MYOM2: variants seen among roughly 807,000 people sequenced by gnomAD.
MYOM2 encodes the protein myomesin-2.
MYOM2 carries 254 observed loss-of-function variants against 187.6 expected under a neutral mutation model. That is an observed-to-expected ratio of 1.35 (90% CI 1.22 to 1.50). The LOEUF (loss-of-function observed/expected upper bound fraction) is 1.50, where lower values mean the gene tolerates loss of function less well. Among genes scored for constraint, MYOM2 ranks in the 40% most tolerant of loss-of-function variants. The pLI is 0.00. For synonymous variants in MYOM2, 981 were observed against 753.8 expected (o/e 1.30, Z -4.94); for missense variants, 2,796 against 1,924.0 (o/e 1.45, Z -8.48).
intron 25 of MYOM2, among the ~76,000 whole-genome samples, chr8:2,113,475 G>C (rs1296115484): frequency 6.6e-6 from 1 of 152,200 alleles, no homozygotes. Flanking sequence ...CTGGGGTGGG[G>C]CTTCTGTGCC....
rs34735757 is a variant in MYOM2 at position 2,140,774 on chromosome 8, G to A, written c.3852G>A (p.Glu1284=). 18 of 1,614,034 alleles carry A rather than the reference G, an allele frequency of 1.1e-5. No individual in the cohort carries two copies. Among genetic ancestry groups the A allele is most frequent in the Non-Finnish European group, 1.4e-5 (16 of 1,180,012 alleles). ...ATATGAGAATCGGGGGGAGTGAAGA[G>A]ATGGCTTGGCTGCAGATATGTGAGC... ...SEHMRIGGSE[E]MAWLQICEPT... The change falls in exon 33 of 37, where the codon GAG becomes GAA. Residue 1284 remains glutamate (E), a synonymous_variant. Coordinates refer to ENST00000262113, the MANE Select transcript of MYOM2 (RefSeq NM_003970.4).
chr8:2,132,887 C>A (rs1374737166), intron 32 of MYOM2, among the ~76,000 whole-genome samples: 2 of 152,230 alleles, frequency 1.3e-5, no homozygotes, highest in African/African-American at 2.4e-5. Context: ...CCTGACACCC[C>A]AGACACCTTC....
At chr8:2,138,519 G>A (rs1798160803) in intron 32 of MYOM2, among the ~76,000 whole-genome samples, 1 of 152,164 alleles carries the variant, frequency 6.6e-6, no homozygotes, top group Non-Finnish European at 1.5e-5. Context: ...ATGGGAAAAG[G>A]GAGCTAATTA....
chr8:2,111,346 C>T lies in MYOM2; in HGVS notation c.3180+1815C>T, dbSNP rs180829365. Among the ~76,000 whole-genome samples, 507 of 152,314 alleles carry T rather than the reference C, an allele frequency of 3.3e-3. 1 individual carries two copies. The highest frequency in any genetic ancestry group is 0.012 in the African/African-American group (496 of 41,574). ...TCATCTTGCTGCATAATGGCATTAG[C>T]AAGAAGCCTAATTATTTTGTAAAAC... On this transcript the variant is annotated intron_variant, in intron 25 of 36. Coordinates refer to ENST00000262113, the MANE Select transcript of MYOM2 (RefSeq NM_003970.4).
intron 18 of MYOM2, among the ~76,000 whole-genome samples, chr8:2,097,799 G>C (rs770047561): frequency 6.6e-6 from 1 of 152,226 alleles, no homozygotes; most frequent in Non-Finnish European, 1.5e-5. Flanking sequence ...TTACAGGCGT[G>C]AGTCACTGTG....
intron 25 of MYOM2, among the ~76,000 whole-genome samples, chr8:2,110,457 A>G (rs1797031691): frequency 6.6e-6 from 1 of 152,188 alleles, no homozygotes; most frequent in African/African-American, 2.4e-5. Flanking sequence ...TTGAGAAGCC[A>G]ATGGTTGTGT....
intron 11 of MYOM2, among the ~76,000 whole-genome samples, chr8:2,078,486 TTA>T (rs1350023818): frequency 1.3e-5 from 2 of 152,172 alleles, no homozygotes; most frequent in Non-Finnish European, 2.9e-5. Context: ...CAGCTATAAA[TTA>T]TTAAGATTCA....
At chr8:2,053,346 C>G (rs1403529404) in intron 3 of MYOM2, among the ~76,000 whole-genome samples, 2 of 152,148 alleles carry the variant, frequency 1.3e-5, no homozygotes, top group African/African-American at 4.8e-5. Flanking sequence ...GTGAAAGAAT[C>G]TCTTTGAAAT....
At chr8:2,068,523 G>A (rs560636134) in intron 6 of MYOM2, among the ~76,000 whole-genome samples, 3 of 151,364 alleles carry the variant, frequency 2.0e-5, no homozygotes, top group Admixed American at 1.3e-4. Context: ...AGCATCCTGG[G>A]TACAGCTCTT....
At chr8:2,143,286 C>G (rs1275517969) in intron 35 of MYOM2, 115 bp from the exon 36 acceptor site, 5 of 1,186,806 alleles carry the variant, frequency 4.2e-6, no homozygotes, top group Non-Finnish European at 5.0e-6. Context: ...TCGCTCTCTC[C>G]TGAGCATAAA....
At chr8:2,105,728 T>C (rs1279255273) in intron 21 of MYOM2, among the ~76,000 whole-genome samples, 1 of 152,182 alleles carries the variant, frequency 6.6e-6, no homozygotes, top group African/African-American at 2.4e-5. Flanking sequence ...AGGTCCTCCC[T>C]AAAGTGTTTT....
At chr8:2,138,652 T>C (rs1798165994) in intron 32 of MYOM2, among the ~76,000 whole-genome samples, 1 of 152,312 alleles carries the variant, frequency 6.6e-6, no homozygotes, top group East Asian at 1.9e-4. Context: ...ACGAACTCGC[T>C]CCCACATCGG....
chr8:2,054,032 T>G (rs1294196849), intron 3 of MYOM2, among the ~76,000 whole-genome samples: 2 of 152,144 alleles, frequency 1.3e-5, no homozygotes, highest in African/African-American at 4.8e-5. Context: ...GAGGGATGAG[T>G]GAGCCCCGTG....
At position 2,085,628 on chromosome 8, in the gene MYOM2, TCGTGATCTCTTTGTGGCCCCCC is replaced by T. The variant is rs1819839124; in HGVS notation, c.1644+239_1644+260del. On this transcript the variant is annotated intron_variant, in intron 14 of 36. Transcript: ENST00000262113. ...GTGATCTCTGCGTGGCCCCCCACAG[TCGTGATCTCTTTGTGGCCCCCC>T]ACTGTCGTGATCTCTGCGTGGCCCC... Among the ~76,000 whole-genome samples, 7 of 7,976 alleles carry T rather than the reference TCGTGATCTCTTTGTGGCCCCCC, an allele frequency of 8.8e-4. 1 individual carries two copies. Among genetic ancestry groups the T allele is most frequent in the South Asian group, 0.013 (1 of 78 alleles). 5.2% of individuals were successfully genotyped at this position (7,976 alleles called of 152,430 possible). A position where few individuals can be genotyped will look rare whatever the true frequency, so the allele number is the denominator to read the frequency against.
chr8:2,076,203 A>G lies in MYOM2; in HGVS notation c.1183A>G (p.Asn395Asp). 5 of 1,613,596 alleles carry G rather than the reference A, an allele frequency of 3.1e-6. No individual in the cohort carries two copies. The highest frequency in any genetic ancestry group is 4.2e-6 in the Non-Finnish European group (5 of 1,179,912). Residue 395 changes from asparagine (N) to aspartate (D), a missense_variant, in exon 11 of 37, where the codon AAC (asparagine) becomes GAC (aspartate). By Grantham distance (23) the Asn-to-Asp change is conservative. Coordinates refer to ENST00000262113, the MANE Select transcript of MYOM2 (RefSeq NM_003970.4). ...CATGGACTTGCAGTGCCACGACGCC[A>G]ACCGGGACTACGTCATCGTGACCTG... The part of the protein sequence containing the change: ...APMDLQCHDA[N>D]RDYVIVTWKP...
intron 10 of MYOM2, among the ~76,000 whole-genome samples, chr8:2,075,155 C>G (rs761652194): frequency 6.6e-6 from 1 of 152,206 alleles, no homozygotes; most frequent in Non-Finnish European, 1.5e-5. Flanking sequence ...GTATCTCACC[C>G]TCCTCACTTC....
At chr8:2,117,094 A>T (rs571017596) in intron 27 of MYOM2, among the ~76,000 whole-genome samples, 2 of 152,348 alleles carry the variant, frequency 1.3e-5, no homozygotes, top group African/African-American at 4.8e-5. Context: ...GGGATTTCTG[A>T]ACTTCTTGAG....
Position 2,072,357 on chromosome 8 carries a change from C to G in MYOM2, c.806C>G (p.Ser269Trp), listed in dbSNP as rs202106832. The change falls in exon 9 of 37, where the codon TCG becomes TGG. Residue 269 changes from serine (S) to tryptophan (W), a missense_variant. Ser to Trp is a radical substitution (Grantham distance 177). Transcript: ENST00000262113. The part of the protein sequence containing the change: ...VGLPIGLPLS[S>W]MIPYTHFDVQ... ...CGTTTCTGTGCAGTGCCCCTGTCAT[C>G]GATGATTCCGTACACGCACTTCGAC... 2.5e-6 allele frequency: 4 copies of G among 1,613,994 alleles called. No homozygotes were observed. Among genetic ancestry groups the G allele is most frequent in the Non-Finnish European group, 2.5e-6 (3 of 1,179,968 alleles).
chr8:2,045,741 G>C (rs1818291079), intron 1 of MYOM2, among the ~76,000 whole-genome samples: 1 of 152,210 alleles, frequency 6.6e-6, no homozygotes, highest in African/African-American at 2.4e-5. Context: ...GTGCTGTTGG[G>C]TGTGTTGTGA....
Sources: allele counts gnomAD v4.1 joint callset (sites outside exome capture counted in the v4.1 genomes callset), GRCh38; gene constraint gnomAD v4.1.1; transcripts MANE v1.5; gene names NCBI Gene and HGNC (gene_info 2026-07-23, HGNC 2026-07-21).